SAMMSON: variants seen among roughly 807,000 people sequenced by gnomAD.
The protein encoded by SAMMSON is long intergenic non-protein coding RNA 1212.
intron 7 of SAMMSON, among the ~76,000 whole-genome samples, chr3:70,292,481 G>A (rs1017475444): frequency 1.3e-5 from 2 of 152,016 alleles, no homozygotes; most frequent in Non-Finnish European, 2.9e-5. Context: ...GGAAACAATC[G>A]TAAAGATGAA....
rs543281644 is a variant in SAMMSON at position 70,305,863 on chromosome 3, T to C, written n.739+14620T>C. Reference sequence around the variant, plus strand: ...GTTTAGGAATGAGATGAGATTTTTCTATTATGCATTTGAGATTTTGCATTA... The same window carrying C: ...GTTTAGGAATGAGATGAGATTTTTCCATTATGCATTTGAGATTTTGCATTA... On this transcript the variant is annotated intron_variant and non_coding_transcript_variant, in intron 7 of 9. Transcript: ENST00000642114. Among the ~76,000 whole-genome samples, 51 of 152,330 alleles carry C rather than the reference T, an allele frequency of 3.3e-4. No homozygotes were observed. The South Asian group carries it at 9.7e-3, about 29-fold the overall frequency.
chr3:70,243,897 A>T (rs1701682296), intron 4 of SAMMSON, among the ~76,000 whole-genome samples: 1 of 152,116 alleles, frequency 6.6e-6, no homozygotes, highest in Admixed American at 6.5e-5. Flanking sequence ...ATACTGTAAT[A>T]ATTGTCTATA....
At chr3:70,429,455 T>C (rs993075207) in intron 2 of SAMMSON, among the ~76,000 whole-genome samples, 4 of 152,206 alleles carry the variant, frequency 2.6e-5, no homozygotes, top group African/African-American at 9.7e-5. Flanking sequence ...ACAGGCTCTT[T>C]TTTGGTTCCA....
At chr3:70,109,675 T>G (rs1255483614) in intron 4 of SAMMSON, among the ~76,000 whole-genome samples, 1 of 152,202 alleles carries the variant, frequency 6.6e-6, no homozygotes, top group Admixed American at 6.5e-5. Context: ...TCTCCACGTT[T>G]CAGATGAAGA....
intron 6 of SAMMSON, among the ~76,000 whole-genome samples, chr3:70,273,007 C>T (rs1701988818): frequency 6.6e-6 from 1 of 152,196 alleles, no homozygotes; most frequent in South Asian, 2.1e-4. Context: ...ATCACTTCCT[C>T]CCTTATCACT....
At chr3:70,358,968 T>C (rs1181340704) in intron 9 of SAMMSON, among the ~76,000 whole-genome samples, 1 of 152,140 alleles carries the variant, frequency 6.6e-6, no homozygotes, top group African/African-American at 2.4e-5. Context: ...CAGTGGCTCT[T>C]ATTCAGCTGA....
At chr3:70,414,632 C>G (rs1282496894) in intron 2 of SAMMSON, among the ~76,000 whole-genome samples, 2 of 152,042 alleles carry the variant, frequency 1.3e-5, no homozygotes, top group Non-Finnish European at 2.9e-5. Flanking sequence ...GTTGGCTAAA[C>G]TATTTTAGAG....
intron 7 of SAMMSON, among the ~76,000 whole-genome samples, chr3:70,318,018 C>G (rs1404501784): frequency 6.7e-6 from 1 of 150,302 alleles, no homozygotes; most frequent in Non-Finnish European, 1.5e-5. Flanking sequence ...GTGTCTTTTT[C>G]TCCTCTCTGG....
At chr3:70,141,687 A>G (rs1338902691) in intron 4 of SAMMSON, among the ~76,000 whole-genome samples, 1 of 152,172 alleles carries the variant, frequency 6.6e-6, no homozygotes, top group African/African-American at 2.4e-5. Flanking sequence ...TTTCAAACAT[A>G]TTATTTCCCA....
chr3:70,208,468 C>A (rs746371194), intron 4 of SAMMSON, among the ~76,000 whole-genome samples: 16 of 152,048 alleles, frequency 1.1e-4, no homozygotes, highest in Non-Finnish European at 2.1e-4. Context: ...GACTTTTCTG[C>A]AGAGTAGAAT....
intron 4 of SAMMSON, among the ~76,000 whole-genome samples, chr3:70,209,100 T>C (rs1372427770): frequency 6.6e-6 from 1 of 152,086 alleles, no homozygotes; most frequent in Non-Finnish European, 1.5e-5. Context: ...TTATTTTTCT[T>C]ACTTGGGTAT....
At chr3:70,240,772 C>T (rs2106641230) in intron 4 of SAMMSON, among the ~76,000 whole-genome samples, 2 of 152,174 alleles carry the variant, frequency 1.3e-5, no homozygotes, top group Middle Eastern at 6.8e-3. Flanking sequence ...AGCCACAAGT[C>T]TGAGTTATTT....
At chr3:70,171,835 C>T (rs1224676577) in intron 4 of SAMMSON, among the ~76,000 whole-genome samples, 4 of 151,834 alleles carry the variant, frequency 2.6e-5, no homozygotes, top group Non-Finnish European at 5.9e-5. Flanking sequence ...ATCTCCCACC[C>T]CTGCCACATA....
intron 4 of SAMMSON, among the ~76,000 whole-genome samples, chr3:70,170,276 G>A (rs1041703302): frequency 6.6e-6 from 1 of 151,512 alleles, no homozygotes; most frequent in African/African-American, 2.4e-5. Context: ...CTTATTATCT[G>A]AAAAATGAAA....
intron 6 of SAMMSON, among the ~76,000 whole-genome samples, chr3:70,278,675 G>T (rs1702051690): frequency 2.0e-5 from 3 of 152,198 alleles, no homozygotes; most frequent in South Asian, 2.1e-4. Context: ...GAGCCTGTAT[G>T]ATGGATATGC....
chr3:70,079,437 G>T (rs950586065), intron 4 of SAMMSON, among the ~76,000 whole-genome samples: 1 of 152,118 alleles, frequency 6.6e-6, no homozygotes, highest in Non-Finnish European at 1.5e-5. Flanking sequence ...ACTTATGATG[G>T]TGTGACTTAT....
rs115371021 is a variant in SAMMSON at position 70,217,811 on chromosome 3, C to T, written n.508-31296C>T. On this transcript the variant is annotated intron_variant and non_coding_transcript_variant, in intron 4 of 9. Transcript: ENST00000642114. The stretch of plus-strand genomic sequence containing the variant: ...TTGAACCTGGTTTATTTAGCTAGTT[C>T]TGTCTCTGAGTTATGAGGGCTTGGG... Among the ~76,000 whole-genome samples, 492 of 152,226 alleles carry T rather than the reference C, an allele frequency of 3.2e-3. 3 individuals carry two copies. Among genetic ancestry groups the T allele is most frequent in the African/African-American group, 0.011 (469 of 41,564 alleles).
At chr3:70,344,358 G>A (rs545403430) in intron 7 of SAMMSON, among the ~76,000 whole-genome samples, 1 of 152,078 alleles carries the variant, frequency 6.6e-6, no homozygotes, top group Admixed American at 6.6e-5. Context: ...GCTTGGGATG[G>A]TTGGAGAGGA....
chr3:70,205,792 G>T (rs1049036970), intron 4 of SAMMSON: 1 of 152,008 alleles, frequency 6.6e-6, no homozygotes, highest in African/African-American at 2.4e-5. Context: ...ACCATACCTT[G>T]TTACATTTTC....
Sources: gnomAD v4.1 joint callset for allele counts (sites outside exome capture counted in the v4.1 genomes callset) on GRCh38, gnomAD v4.1.1 for gene constraint, MANE v1.5 for transcripts, NCBI Gene and HGNC (gene_info 2026-07-23, HGNC 2026-07-21) for gene names.